CUX1: variants seen among roughly 807,000 people sequenced by gnomAD.
The protein encoded by CUX1 is protein CASP.
CUX1 carries 31 observed loss-of-function variants against 158.8 expected under a neutral mutation model. The observed-to-expected ratio is 0.20, with a 90% CI of 0.15 to 0.26. CUX1 has a LOEUF of 0.26. Among genes scored for constraint, CUX1 ranks in the 10% least tolerant of loss-of-function variants. CUX1 has a pLI of 1.00. For synonymous variants in CUX1, 879 were observed against 862.1 expected (o/e 1.02, Z -0.34); for missense variants, 1,589 against 2,014.6 (o/e 0.79, Z 4.04).
chr7:102,249,485 T>G lies in CUX1; in HGVS notation c.*443T>G. On this transcript the variant is annotated 3_prime_UTR_variant, in exon 24 of 24. Coordinates refer to ENST00000292535, the MANE Select transcript of CUX1 (RefSeq NM_181552.4). ...CGAGCTTTTTTGTACCCTGAAGTGT[T>G]TTTTTTATTGCCCTAAGTGATTTCC... 5.1e-6 allele frequency: 5 copies of G among 985,932 alleles called. No homozygotes were observed. The highest frequency in any genetic ancestry group is 6.0e-6 in the Non-Finnish European group (5 of 829,962). 61.1% of individuals were successfully genotyped at this position (985,932 alleles called of 1,614,324 possible). A position where few individuals can be genotyped will look rare whatever the true frequency, so the allele number is the denominator to read the frequency against.
intron 2 of CUX1, among the ~76,000 whole-genome samples, chr7:102,014,174 A>C (rs941639394): frequency 6.6e-6 from 1 of 152,170 alleles, no homozygotes; most frequent in Non-Finnish European, 1.5e-5. Flanking sequence ...GCAAGCTCAC[A>C]AGAGACCGAC....
chr7:101,861,274 T>C (rs1249522438), intron 1 of CUX1, among the ~76,000 whole-genome samples: 1 of 152,218 alleles, frequency 6.6e-6, no homozygotes, highest in Non-Finnish European at 1.5e-5. Flanking sequence ...TGGTCACTTT[T>C]TTAATGTCTG....
intron 8 of CUX1, among the ~76,000 whole-genome samples, chr7:102,115,995 A>G (rs570963604): frequency 8.5e-5 from 13 of 152,306 alleles, no homozygotes; most frequent in East Asian, 1.9e-4. Flanking sequence ...GGCTCTTCCC[A>G]TCTTCCGCGG....
At position 102,282,656 on chromosome 7, in the gene CUX1, G is replaced by A. The variant is rs553058497; in HGVS notation, c.1903-56G>A. The A allele has an allele frequency of 1.6e-5, 25 of 1,580,972 alleles. 1 individual carries two copies. The African/African-American group carries it at 2.4e-4, about 15-fold the overall frequency. On this transcript the variant is annotated intron_variant, in intron 21 of 22. Transcript: ENST00000292538. ...GGCCAGGCCCAGGGGCCATGGGTGGGCTGCAGGGGTGGCCTTGAGGCGAAC... is the reference window on the plus strand; with the variant it reads ...GGCCAGGCCCAGGGGCCATGGGTGGACTGCAGGGGTGGCCTTGAGGCGAAC...
At chr7:101,915,589 T>A (rs1307531927) in intron 1 of CUX1, among the ~76,000 whole-genome samples, 1 of 152,336 alleles carries the variant, frequency 6.6e-6, no homozygotes, top group East Asian at 1.9e-4. Context: ...CATAAACATT[T>A]GTTGAATGAA....
At chr7:101,932,372 G>A (rs1159053718) in intron 2 of CUX1, 1 of 337,472 alleles carries the variant, frequency 3.0e-6, no homozygotes, top group East Asian at 7.6e-5. Flanking sequence ...TCGCATGCAA[G>A]CGTGTGTGTT....
chr7:102,240,907 T>C (rs1800133960), intron 23 of CUX1, among the ~76,000 whole-genome samples: 1 of 152,078 alleles, frequency 6.6e-6, no homozygotes, highest in Non-Finnish European at 1.5e-5. Flanking sequence ...TGCAGCCTCC[T>C]TCTCCCAGGT....
At position 102,255,819 on chromosome 7, in the gene CUX1, CT is replaced by C; in HGVS notation, c.*6779del. On this transcript the variant is annotated 3_prime_UTR_variant, in exon 24 of 24. Transcript: ENST00000292535. ...AATTCTTTTTTCCCCCCTTTTCCTT[CT>C]TCTTTTTTATTATTTTATTATTTTT... is the stretch of plus-strand genomic sequence containing the variant. The C allele has an allele frequency of 1.0e-6, 1 of 984,102 alleles. No homozygotes were observed. The highest frequency in any genetic ancestry group is 1.2e-6 in the Non-Finnish European group (1 of 828,864). 61.0% of individuals were successfully genotyped at this position (984,102 alleles called of 1,614,324 possible). A position where few individuals can be genotyped will look rare whatever the true frequency, so the allele number is the denominator to read the frequency against.
chr7:102,176,808 G>C (rs1554512151), intron 10 of CUX1, among the ~76,000 whole-genome samples: 1 of 151,626 alleles, frequency 6.6e-6, no homozygotes, highest in African/African-American at 2.4e-5. Context: ...CTTGAGCTCG[G>C]GTGATCCACC....
chr7:101,817,593 G>A (rs1395043340), upstream of CUX1: 2 of 1,531,662 alleles, frequency 1.3e-6, no homozygotes, highest in Non-Finnish European at 8.8e-7. This position sits in a 1 kb window ranked among gnomAD's most constrained non-coding sequence, Gnocchi z 4.1. Context: ...GCACGTGCCA[G>A]CTCGGCGCCC....
At chr7:102,021,296 T>C (rs1203038153) in intron 2 of CUX1, among the ~76,000 whole-genome samples, 3 of 152,078 alleles carry the variant, frequency 2.0e-5, no homozygotes, top group Non-Finnish European at 4.4e-5. Flanking sequence ...CAGAAAAACC[T>C]GGATTATCAG....
At position 102,121,348 on chromosome 7, in the gene CUX1, GTT is replaced by G. The variant is rs3216525; in HGVS notation, c.674+6088_674+6089del. 9.3e-4 allele frequency among the ~76,000 whole-genome samples: 123 copies of G among 131,652 alleles called. 1 individual carries two copies. Among genetic ancestry groups the G allele is most frequent in the African/African-American group, 3.2e-3 (113 of 35,410 alleles). The allele number at this position is 131,652 out of a possible 152,430, so 86.4% of individuals were successfully genotyped here. A position where few individuals can be genotyped will look rare whatever the true frequency, so the allele number is the denominator to read the frequency against. ...ATGCCTGGCTAATTTTTGCTTTTTG[GTT>G]TTTTTTTTTTTTGGAGACTGAGTCT... On this transcript the variant is annotated intron_variant, in intron 8 of 23. Transcript: ENST00000292535.
chr7:101,848,051 C>CAA (rs57428019), intron 1 of CUX1, among the ~76,000 whole-genome samples: 1,105 of 64,778 alleles, frequency 0.017, 20 homozygotes, highest in African/African-American at 0.047. Flanking sequence ...GAGCAAGACT[C>CAA]AAAAAAAAAA....
chr7:101,830,518 T>G (rs1046877490), intron 1 of CUX1, among the ~76,000 whole-genome samples: 2 of 152,186 alleles, frequency 1.3e-5, no homozygotes, highest in Non-Finnish European at 2.9e-5. Flanking sequence ...AGTGGTGGGA[T>G]CATAGCTCTC....
intron 2 of CUX1, among the ~76,000 whole-genome samples, chr7:101,976,899 GATTTTTTTTT>G (rs1812760929): frequency 2.5e-5 from 1 of 40,750 alleles, no homozygotes; most frequent in African/African-American, 1.3e-4. Flanking sequence ...TTCCCTTTCT[GATTTTTTTTT>G]TTTTTTTTTT....
chr7:102,130,953 G>A (rs1204008403), intron 8 of CUX1, among the ~76,000 whole-genome samples: 5 of 151,572 alleles, frequency 3.3e-5, no homozygotes, highest in East Asian at 2.0e-4. Flanking sequence ...GTTCAAGACC[G>A]GCCTGGCCAA....
chr7:102,228,725 T>C (rs1395972854), intron 21 of CUX1, among the ~76,000 whole-genome samples: 1 of 152,034 alleles, frequency 6.6e-6, no homozygotes, highest in Non-Finnish European at 1.5e-5. Flanking sequence ...TTGAACCCTG[T>C]AGTTTTAGGC....
intron 20 of CUX1, among the ~76,000 whole-genome samples, chr7:102,205,510 G>T (rs423452): frequency 1.3e-5 from 2 of 151,956 alleles, no homozygotes; most frequent in Non-Finnish European, 2.9e-5. Flanking sequence ...ACGGGCACAC[G>T]TCCCTCTCCT....
chr7:102,088,288 G>A (rs1319421526), intron 4 of CUX1, among the ~76,000 whole-genome samples: 3 of 152,054 alleles, frequency 2.0e-5, no homozygotes, highest in Admixed American at 6.6e-5. Flanking sequence ...GTGAGCCACC[G>A]CGTCCAGCCA....
Sources: gnomAD v4.1 joint callset for allele counts (sites outside exome capture counted in the v4.1 genomes callset) on GRCh38, gnomAD v4.1.1 for gene constraint, Gnocchi (gnomAD v3.1) non-coding constraint, MANE v1.5 for transcripts, NCBI Gene and HGNC (gene_info 2026-07-23, HGNC 2026-07-21) for gene names.